The following ANGPT1 variants were observed in gnomAD, a reference collection of about 807,000 sequenced individuals.
ANGPT1 encodes angiopoietin 1.
Under a neutral mutation model 62.2 loss-of-function variants are expected in ANGPT1, and 17 were observed. The ratio of observed to expected loss-of-function variants is 0.27; its 90% CI spans 0.19 to 0.41. ANGPT1 has a LOEUF of 0.41. Ranked by LOEUF, ANGPT1 falls within the 10% of genes least tolerant of loss-of-function variation. The probability of loss-of-function intolerance (pLI) is 1.00; values close to 1 mark genes in which losing one functional copy is unlikely to be tolerated. For missense variants in ANGPT1, 478 were observed against 594.9 expected (o/e 0.80, Z 2.04); for synonymous variants, 199 against 198.9 (o/e 1.00, Z 0.00).
chr8:107,289,116 T>C (rs1430727758), intron 6 of ANGPT1, among the ~76,000 whole-genome samples: 1 of 152,192 alleles, frequency 6.6e-6, no homozygotes, highest in East Asian at 1.9e-4. Context: ...AAGGTTTTGA[T>C]TCAGTAACTC....
At position 107,435,878 on chromosome 8, in the gene ANGPT1, T is replaced by C. The variant is rs138056419; in HGVS notation, c.297+61384A>G. Among the ~76,000 whole-genome samples the C allele has an allele frequency of 1.3e-3, 194 of 152,166 alleles. 2 individuals are homozygous for C. Among genetic ancestry groups the C allele is most frequent in the Middle Eastern group, 3.4e-3 (1 of 294 alleles). ...GCACCTTCAAAATAACCCTATGAGG[T>C]ATATAATACAATACAATTTTACTGA... On this transcript the variant is annotated intron_variant, in intron 1 of 8. Coordinates refer to ENST00000517746, the MANE Select transcript of ANGPT1 (RefSeq NM_001146.5).
intron 1 of ANGPT1, among the ~76,000 whole-genome samples, chr8:107,388,129 G>A (rs1269553219): frequency 1.3e-5 from 2 of 152,034 alleles, no homozygotes; most frequent in Non-Finnish European, 2.9e-5. Flanking sequence ...AACATGAATT[G>A]CATACAAATC....
chr8:107,452,378 C>T (rs1811799937), intron 1 of ANGPT1, among the ~76,000 whole-genome samples: 1 of 151,820 alleles, frequency 6.6e-6, no homozygotes, highest in Non-Finnish European at 1.5e-5. Flanking sequence ...TTGCACCATG[C>T]ACATTCATAT....
intron 1 of ANGPT1, among the ~76,000 whole-genome samples, chr8:107,396,788 G>T (rs1375903690): frequency 6.6e-6 from 1 of 151,972 alleles, no homozygotes; most frequent in African/African-American, 2.4e-5. Context: ...CCCCTAAAGT[G>T]CTAGGATTAT....
chr8:107,269,596 T>G (rs1813692557), intron 7 of ANGPT1, among the ~76,000 whole-genome samples: 1 of 152,050 alleles, frequency 6.6e-6, no homozygotes, highest in South Asian at 2.1e-4. Flanking sequence ...GGTTATTTAT[T>G]TCTTGTGTTC....
chr8:107,491,931 T>C (rs1487676101), intron 1 of ANGPT1, among the ~76,000 whole-genome samples: 2 of 152,148 alleles, frequency 1.3e-5, no homozygotes, highest in East Asian at 1.9e-4. Context: ...TAATTGCCCA[T>C]AGAAACTCAT....
chr8:107,426,576 C>G (rs564233252), intron 1 of ANGPT1, among the ~76,000 whole-genome samples: 3 of 152,280 alleles, frequency 2.0e-5, no homozygotes, highest in East Asian at 1.9e-4. Flanking sequence ...TTCCTTCCCC[C>G]CTCTACTCTT....
intron 4 of ANGPT1, among the ~76,000 whole-genome samples, chr8:107,305,281 G>A (rs1018830505): frequency 2.0e-5 from 3 of 151,862 alleles, no homozygotes; most frequent in African/African-American, 4.8e-5. Flanking sequence ...GGAACCCAAC[G>A]GTAAACCCAT....
intron 1 of ANGPT1, among the ~76,000 whole-genome samples, chr8:107,401,272 G>GA (rs3036541): frequency 0.025 from 3,642 of 145,390 alleles, 84 homozygotes; most frequent in South Asian, 0.067. Context: ...CACTAAACAA[G>GA]AAAAAAAAAA....
chr8:107,476,678 G>A (rs1355471828), intron 1 of ANGPT1, among the ~76,000 whole-genome samples: 2 of 152,086 alleles, frequency 1.3e-5, no homozygotes, highest in Non-Finnish European at 2.9e-5. Flanking sequence ...TCAATCTCAT[G>A]TTATGTAATA....
intron 1 of ANGPT1, among the ~76,000 whole-genome samples, chr8:107,349,351 A>G (rs1027994619): frequency 1.3e-5 from 2 of 152,086 alleles, no homozygotes; most frequent in Non-Finnish European, 2.9e-5. Context: ...ACATTGATTT[A>G]GATTTTTAAC....
intron 1 of ANGPT1, among the ~76,000 whole-genome samples, chr8:107,468,051 G>A (rs1211400727): frequency 6.6e-6 from 1 of 152,008 alleles, no homozygotes; most frequent in Admixed American, 6.6e-5. Context: ...TTTCCAGAGG[G>A]AAATGAATGG....
intron 1 of ANGPT1, among the ~76,000 whole-genome samples, chr8:107,357,311 T>C (rs1191134068): frequency 6.6e-6 from 1 of 152,234 alleles, no homozygotes; most frequent in African/African-American, 2.4e-5. Flanking sequence ...CAACTTGGTA[T>C]GCATTGTTTT....
chr8:107,252,129 C>A, intron 8 of ANGPT1, 114 bp from the exon 9 acceptor site: 1 of 1,117,410 alleles, frequency 8.9e-7, no homozygotes, highest in South Asian at 1.5e-5. Context: ...TCTTGTTATG[C>A]TTATTTGCAA....
intron 1 of ANGPT1, among the ~76,000 whole-genome samples, chr8:107,496,552 C>G (rs1247844369): frequency 1.3e-5 from 2 of 152,168 alleles, no homozygotes; most frequent in African/African-American, 4.8e-5. Flanking sequence ...GCGTTCAGCC[C>G]ATATCTGCAG....
chr8:107,326,384 A>T (rs1815289375), intron 3 of ANGPT1, among the ~76,000 whole-genome samples: 1 of 152,112 alleles, frequency 6.6e-6, no homozygotes, highest in Non-Finnish European at 1.5e-5. Context: ...TACTTCAGTA[A>T]TTATCTACCA....
rs1344983014 is a variant in ANGPT1, at chr8:107,271,903, G to A, written c.1206-7552C>T. Among the ~76,000 whole-genome samples the A allele has an allele frequency of 4.7e-4, 41 of 87,062 alleles. No individual in the cohort carries two copies. In the East Asian group the frequency reaches 0.012, roughly 25 times the overall value. 57.1% of individuals were successfully genotyped at this position (87,062 alleles called of 152,430 possible). A position where few individuals can be genotyped will look rare whatever the true frequency, so the allele number is the denominator to read the frequency against. Reference sequence around the variant, plus strand: ...CTTTCTTTACTCATAATTGATACTGGTAAAAAAAAAAAAAAAAAAAATTCC... The same window carrying A: ...CTTTCTTTACTCATAATTGATACTGATAAAAAAAAAAAAAAAAAAAATTCC... On this transcript the variant is annotated intron_variant, in intron 7 of 8. Transcript: ENST00000517746.
intron 1 of ANGPT1, among the ~76,000 whole-genome samples, chr8:107,407,005 T>C (rs1241083704): frequency 6.6e-6 from 1 of 152,034 alleles, no homozygotes; most frequent in Non-Finnish European, 1.5e-5. Context: ...ATCTTTGAAG[T>C]GTTGGTGACT....
At chr8:107,415,692 G>T (rs1272721600) in intron 1 of ANGPT1, among the ~76,000 whole-genome samples, 1 of 152,124 alleles carries the variant, frequency 6.6e-6, no homozygotes, top group African/African-American at 2.4e-5. Flanking sequence ...CCAGTAAAAG[G>T]TCACAACTTA....
Sources: allele counts gnomAD v4.1 joint callset (sites outside exome capture counted in the v4.1 genomes callset), GRCh38; gene constraint gnomAD v4.1.1; transcripts MANE v1.5; gene names NCBI Gene and HGNC (gene_info 2026-07-23, HGNC 2026-07-21).